Variants in TTC17 observed in about 807,000 individuals in gnomAD.
TTC17 encodes the protein tetratricopeptide repeat domain 17, also known as tetratricopeptide repeat protein 17.
A neutral mutation model predicts 143.8 loss-of-function variants in TTC17; 58 were observed. That is an observed-to-expected ratio of 0.40 (90% CI 0.33 to 0.50). TTC17 has a LOEUF of 0.50. TTC17 is among the 20% of genes least tolerant of loss of function. TTC17 has a pLI of 0.49. For missense variants in TTC17, 1,273 were observed against 1,392.5 expected (o/e 0.91, Z 1.37); for synonymous variants, 501 against 497.8 (o/e 1.01, Z -0.09).
At chr11:43,446,587 CAG>C (rs1479599386) in intron 18 of TTC17, 20 of 806,152 alleles carry the variant, frequency 2.5e-5, no homozygotes, top group African/African-American at 5.6e-5. Flanking sequence ...TTAATTTAAA[CAG>C]AGTTAATTTG....
intron 21 of TTC17, chr11:43,466,678 CCA>C (rs1200374876): frequency 5.4e-6 from 2 of 369,894 alleles, no homozygotes; most frequent in Non-Finnish European, 1.1e-5. Context: ...GGCATCTTGT[CCA>C]TGGCAAATGC....
chr11:43,415,692 G>T (rs1406927964), intron 16 of TTC17, among the ~76,000 whole-genome samples: 1 of 152,128 alleles, frequency 6.6e-6, no homozygotes, highest in African/African-American at 2.4e-5. Context: ...ACCAGAAAGT[G>T]GTTTTGTTGA....
At chr11:43,492,527 A>T (rs1367742625) in intron 23 of TTC17, among the ~76,000 whole-genome samples, 2 of 152,178 alleles carry the variant, frequency 1.3e-5, no homozygotes, top group Non-Finnish European at 2.9e-5. Context: ...GGTACCTGTC[A>T]TCGCACTCAT....
intron 2 of TTC17, among the ~76,000 whole-genome samples, chr11:43,380,115 G>A (rs1026080182): frequency 1.3e-5 from 2 of 152,170 alleles, no homozygotes; most frequent in South Asian, 2.1e-4. Flanking sequence ...GGAATCATAA[G>A]ATCATCCTCA....
chr11:43,444,285 T>C, intron 18 of TTC17, 76 bp downstream of exon 18: 6 of 1,447,554 alleles, frequency 4.1e-6, no homozygotes, highest in Non-Finnish European at 5.6e-6. Context: ...GTTGTATTTG[T>C]AACTTGAAAT....
At chr11:43,452,659 A>G (rs979403107) in intron 21 of TTC17, among the ~76,000 whole-genome samples, 2 of 151,634 alleles carry the variant, frequency 1.3e-5, no homozygotes, top group African/African-American at 4.8e-5. Flanking sequence ...ATATTAGGCC[A>G]GGCACAGTGG....
At chr11:43,433,804 T>C (rs990444063) in intron 16 of TTC17, among the ~76,000 whole-genome samples, 2 of 152,210 alleles carry the variant, frequency 1.3e-5, no homozygotes, top group African/African-American at 4.8e-5. Flanking sequence ...TTTGCTTTTA[T>C]AATGTTTTAC....
At chr11:43,433,806 A>G (rs781150949) in intron 16 of TTC17, among the ~76,000 whole-genome samples, 3 of 152,138 alleles carry the variant, frequency 2.0e-5, no homozygotes, top group Non-Finnish European at 2.9e-5. Context: ...TGCTTTTATA[A>G]TGTTTTACAC....
In TTC17 at chr11:43,401,464, G is replaced by C. The variant is rs753228160; in HGVS notation, c.1238G>C (p.Arg413Pro). ...ATTCCAGGAAATCATCAGATATGCC[G>C]ACTGGTCAACCAGCAGCATAGTTTA... ...EAQLGNHQIC[R>P]LVNQQHSLHC... Residue 413 changes from arginine (R) to proline (P), a missense_variant, in exon 10 of 24, where the codon CGA becomes CCA. Arg to Pro is a moderately radical substitution (Grantham distance 103). This residue lies in a region of TTC17 where 878 missense variants were observed against 899.8 expected (regional missense o/e 0.98). Coordinates refer to ENST00000039989, the MANE Select transcript of TTC17 (RefSeq NM_018259.6). 6.2e-7 allele frequency: 1 copy of C among 1,611,974 alleles called. No homozygotes were observed. Among genetic ancestry groups the C allele is most frequent in the East Asian group, 2.2e-5 (1 of 44,858 alleles).
At chr11:43,433,762 T>C (rs1947214782) in intron 16 of TTC17, among the ~76,000 whole-genome samples, 1 of 152,070 alleles carries the variant, frequency 6.6e-6, no homozygotes, top group South Asian at 2.1e-4. Context: ...AAACACAGAG[T>C]TTCACTGGGT....
intron 21 of TTC17, among the ~76,000 whole-genome samples, chr11:43,478,886 C>A (rs1948234943): frequency 6.6e-6 from 1 of 152,192 alleles, no homozygotes; most frequent in South Asian, 2.1e-4. Context: ...CCTTGGCTTC[C>A]CAAATTACTG....
At chr11:43,371,020 A>AG (rs1856548773) in intron 1 of TTC17, among the ~76,000 whole-genome samples, 1 of 31,036 alleles carries the variant, frequency 3.2e-5, no homozygotes, top group Non-Finnish European at 6.4e-5. Flanking sequence ...CGGGGAGGGG[A>AG]GGTGGGGGGG....
At chr11:43,447,900 C>T in intron 18 of TTC17, 102 bp from the exon 19 acceptor site, 1 of 1,453,394 alleles carries the variant, frequency 6.9e-7, no homozygotes, top group Non-Finnish European at 9.3e-7. Context: ...TGACTAGCAC[C>T]TCCAAATACA....
intron 21 of TTC17, among the ~76,000 whole-genome samples, chr11:43,453,375 GAAAA>G (rs974408424): frequency 6.9e-6 from 1 of 145,006 alleles, no homozygotes; most frequent in African/African-American, 2.5e-5. Context: ...CATCTTGGAA[GAAAA>G]AAAAAAGAGA....
At chr11:43,471,024 C>G (rs1948082037) in intron 21 of TTC17, among the ~76,000 whole-genome samples, 1 of 152,184 alleles carries the variant, frequency 6.6e-6, no homozygotes, top group Admixed American at 6.5e-5. Flanking sequence ...TTTTTGAGTT[C>G]ACATTGACAT....
At chr11:43,370,052 G>A (rs1392534308) in intron 1 of TTC17, 1 of 454,896 alleles carries the variant, frequency 2.2e-6, no homozygotes, top group Admixed American at 2.4e-5. Context: ...TAAAAGATCT[G>A]TTTATATTAC....
chr11:43,459,979 C>T (rs920683170), intron 21 of TTC17, among the ~76,000 whole-genome samples: 2 of 152,152 alleles, frequency 1.3e-5, no homozygotes, highest in African/African-American at 2.4e-5. Flanking sequence ...TTTCAGCTTA[C>T]GATGGGTTTA....
chr11:43,446,270 AAATC>A (rs1162409619), intron 18 of TTC17: 5 of 895,680 alleles, frequency 5.6e-6, no homozygotes, highest in Non-Finnish European at 7.2e-6. Flanking sequence ...TTAAACTTCA[AAATC>A]AAGTGCCATC....
intron 21 of TTC17, among the ~76,000 whole-genome samples, chr11:43,463,265 C>T (rs1248118498): frequency 6.6e-6 from 1 of 151,944 alleles, no homozygotes; most frequent in Non-Finnish European, 1.5e-5. Flanking sequence ...CATATGTGAA[C>T]ACTTAACATA....
Sources: gnomAD v4.1 joint callset for allele counts (sites outside exome capture counted in the v4.1 genomes callset) on GRCh38, gnomAD v4.1.1 for gene constraint, gnomAD v4.1.1 regional missense constraint, MANE v1.5 for transcripts, NCBI Gene and HGNC (gene_info 2026-07-23, HGNC 2026-07-21) for gene names.